The following LVRN variants were observed in gnomAD, a reference collection of about 807,000 sequenced individuals.
LVRN encodes the protein aminopeptidase Q.
In LVRN, 99 loss-of-function variants were observed where a neutral mutation model predicts 111.4. The ratio of observed to expected loss-of-function variants is 0.89; its 90% confidence interval spans 0.76 to 1.05. The LOEUF (loss-of-function observed/expected upper bound fraction) is 1.05, where lower values mean the gene tolerates loss of function less well. LVRN is among the 50% of genes least tolerant of loss of function. The probability of loss-of-function intolerance (pLI) is 0.00; values close to 1 mark genes in which losing one functional copy is unlikely to be tolerated. For missense variants in LVRN, 1,414 were observed against 1,206.8 expected (o/e 1.17, Z -2.54); for synonymous variants, 488 against 449.5 (o/e 1.09, Z -1.08).
chr5:115,979,695 C>G (rs1164435881), intron 1 of LVRN, among the ~76,000 whole-genome samples: 2 of 152,128 alleles, frequency 1.3e-5, no homozygotes, highest in Non-Finnish European at 2.9e-5. Flanking sequence ...GATTCATAAG[C>G]CAACCCTTGA....
Position 115,962,777 on chromosome 5 carries a change from T to C in LVRN, c.160T>C (p.Leu54=). Reference sequence around the variant, plus strand: ...GTCGGAGCTGCCTGGACTCAGGGACTTGGAAGCCGAGTCTTCCCCTCCCCT... The same window carrying C: ...GTCGGAGCTGCCTGGACTCAGGGACCTGGAAGCCGAGTCTTCCCCTCCCCT... ...PPSELPGLRD[L]EAESSPPLRQ... is the part of the protein sequence containing the mutation. Residue 54 remains leucine (L), a synonymous_variant, in exon 1 of 20, where the codon TTG becomes CTG. Coordinates refer to ENST00000357872, the MANE Select transcript of LVRN (RefSeq NM_173800.5). 1 of 1,611,344 alleles carries C rather than the reference T, an allele frequency of 6.2e-7. No individual in the cohort carries two copies. Among genetic ancestry groups the C allele is most frequent in the Non-Finnish European group, 8.5e-7 (1 of 1,178,900 alleles).
intron 1 of LVRN, among the ~76,000 whole-genome samples, chr5:115,980,129 A>T (rs948106556): frequency 2.6e-5 from 4 of 152,144 alleles, no homozygotes; most frequent in African/African-American, 9.7e-5. Context: ...CCAGCTGACC[A>T]TTCTAAACAC....
Position 115,993,746 on chromosome 5 carries a change from T to C in LVRN, c.1266T>C (p.Phe422=), listed in dbSNP as rs1399206873. 6.3e-7 allele frequency: 1 copy of C among 1,599,658 alleles called. No homozygotes were observed. The highest frequency in any genetic ancestry group is 8.5e-7 in the Non-Finnish European group (1 of 1,175,252). The change falls in exon 6 of 20, where the codon TTT becomes TTC. Residue 422 remains phenylalanine, a synonymous_variant. Coordinates refer to ENST00000357872, the MANE Select transcript of LVRN (RefSeq NM_173800.5). ...VVSHEIGHQW[F]GNLVTMNWWN... is the part of the protein sequence containing the mutation. ...TTTCTTCTCATTTCCAAAAGTGGTT[T>C]GGAAACTTGGTTACCATGAATTGGT...
At chr5:115,992,932 T>A (rs542956373) in intron 5 of LVRN, among the ~76,000 whole-genome samples, 2 of 152,224 alleles carry the variant, frequency 1.3e-5, no homozygotes. Flanking sequence ...ATCTTCGTAA[T>A]GTGGCTCCAT....
rs143768820 is a variant in LVRN, at chr5:115,964,379, T to C, written c.695+1067T>C. Among the ~76,000 whole-genome samples the C allele has an allele frequency of 6.6e-4, 100 of 152,326 alleles. No individual in the cohort carries two copies. In the East Asian group the frequency reaches 0.013, roughly 20 times the overall value. ...AAGGTTTCTAAATAAGTTTAAAGAGTTGCTCTAGTGGATGTATAATCTGTA... is the reference window on the plus strand; with the variant it reads ...AAGGTTTCTAAATAAGTTTAAAGAGCTGCTCTAGTGGATGTATAATCTGTA... On this transcript the variant is annotated intron_variant, in intron 1 of 19. Coordinates refer to ENST00000357872, the MANE Select transcript of LVRN (RefSeq NM_173800.5).
chr5:116,002,809 T>C (rs371068037), intron 10 of LVRN, 26 bp from the exon 11 acceptor site: 2 of 1,529,136 alleles, frequency 1.3e-6, no homozygotes, highest in Non-Finnish European at 1.8e-6. Context: ...GAAAAGTAAC[T>C]AATTTTTTTA....
In LVRN at chr5:115,963,157, G is replaced by GT. The variant is rs768239579; in HGVS notation, c.542dup (p.Ala182ArgfsTer13). 1.9e-6 allele frequency: 3 copies of GT among 1,613,222 alleles called. No individual in the cohort carries two copies. The highest frequency in any genetic ancestry group is 2.5e-6 in the Non-Finnish European group (3 of 1,179,858). ...GCCGCGTGCCCGTGGACGACGTGTG[G>GT]TTCGCGCTGGACACGGAATACATGG... On this transcript the variant is annotated frameshift_variant, in exon 1 of 20. Coordinates refer to ENST00000357872, the MANE Select transcript of LVRN (RefSeq NM_173800.5). LOFTEE classifies it high-confidence loss of function.
At position 116,017,600 on chromosome 5, in the gene LVRN, G is replaced by T. The variant is rs372907089; in HGVS notation, c.2756+1835G>T. Among the ~76,000 whole-genome samples, 7 of 152,246 alleles carry T rather than the reference G, an allele frequency of 4.6e-5. No homozygotes were observed. The East Asian group carries it at 5.8e-4, about 13-fold the overall frequency. On this transcript the variant is annotated intron_variant, in intron 18 of 19. Coordinates refer to ENST00000357872, the MANE Select transcript of LVRN (RefSeq NM_173800.5). The stretch of plus-strand genomic sequence containing the variant: ...ATATATGGTATGTCAAAGAGTTAAG[G>T]CAATAGAATCTAGAATCAGATCAAT...
At chr5:115,988,342 T>C (rs1456747554) in intron 4 of LVRN, among the ~76,000 whole-genome samples, 1 of 151,672 alleles carries the variant, frequency 6.6e-6, no homozygotes, top group Non-Finnish European at 1.5e-5. Flanking sequence ...GTTTTTTTTT[T>C]TTTTAAATAT....
At position 115,963,094 on chromosome 5, in the gene LVRN, G is replaced by A. The variant is rs1230295824; in HGVS notation, c.477G>A (p.Arg159=). ...AGGACTGCGAGCGCGCCGAGGTGCG[G>A]GGACCCCTTTCCCCGGGCACTGGGA... ...LFQDCERAEV[R]GPLSPGTGNA... Residue 159 remains arginine, a synonymous_variant, in exon 1 of 20, where the codon CGG becomes CGA. Coordinates refer to ENST00000357872, the MANE Select transcript of LVRN (RefSeq NM_173800.5). 3.7e-6 allele frequency: 6 copies of A among 1,613,652 alleles called. No individual in the cohort carries two copies. Among genetic ancestry groups the A allele is most frequent in the East Asian group, 2.2e-5 (1 of 44,870 alleles).
At position 116,015,722 on chromosome 5, in the gene LVRN, G is replaced by T. The variant is rs138090918; in HGVS notation, c.2713G>T (p.Ala905Ser). ...TTCATCTGAAGTTGGCCGGTATGTCGCAAAAGACTTCTTAGTCAACAACTG... is the reference window on the plus strand; with the variant it reads ...TTCATCTGAAGTTGGCCGGTATGTCTCAAAAGACTTCTTAGTCAACAACTG... ...VASSEVGRYV[A>S]KDFLVNNWQA... Residue 905 changes from alanine to serine, a missense_variant, in exon 18 of 20, where the codon GCA becomes TCA. By Grantham distance (99) the Ala-to-Ser change is moderately conservative. Transcript: ENST00000357872. The T allele has an allele frequency of 6.2e-7, 1 of 1,613,234 alleles. No homozygotes were observed.
At chr5:116,011,041 T>TGATATTTTTCATAGTAGTTATG (rs1748480101) in intron 14 of LVRN, 147 bp downstream of exon 14, 45,271 of 241,372 alleles carry the variant, frequency 0.19, 6,751 homozygotes, top group Admixed American at 0.26. Context: ...GTATATACAT[T>TGATATTTTTCATAGTAGTTATG]TCCTTAACAA....
chr5:116,001,602 T>C (rs776748342), intron 10 of LVRN, among the ~76,000 whole-genome samples: 8 of 152,184 alleles, frequency 5.3e-5, no homozygotes, highest in Non-Finnish European at 8.8e-5. Context: ...AAAGGAAGTC[T>C]TACTGCAGAG....
At chr5:116,005,732 A>T (rs1348232195) in intron 12 of LVRN, 180 bp from the exon 13 acceptor site, 2 of 673,404 alleles carry the variant, frequency 3.0e-6, no homozygotes, top group Non-Finnish European at 5.5e-6. Context: ...TTTCAAAAAC[A>T]TATGTATGAT....
At chr5:115,989,325 A>G (rs974831661) in intron 4 of LVRN, among the ~76,000 whole-genome samples, 4 of 152,010 alleles carry the variant, frequency 2.6e-5, no homozygotes, top group African/African-American at 9.7e-5. Flanking sequence ...GCTCACTCCT[A>G]TGCATTCACC....
chr5:116,001,835 AG>A (rs1748245317), intron 10 of LVRN, among the ~76,000 whole-genome samples: 1 of 152,226 alleles, frequency 6.6e-6, no homozygotes, highest in Non-Finnish European at 1.5e-5. Context: ...TGTGAGTTTC[AG>A]TTGCCTTATC....
chr5:116,000,824 G>C (rs1187718390), intron 9 of LVRN, among the ~76,000 whole-genome samples, 166 bp downstream of exon 9: 1 of 152,086 alleles, frequency 6.6e-6, no homozygotes, highest in Non-Finnish European at 1.5e-5. Context: ...TATATTCCCA[G>C]TGCCCAGAAC....
chr5:116,011,436 A>G (rs887512697), intron 14 of LVRN, among the ~76,000 whole-genome samples: 4 of 152,178 alleles, frequency 2.6e-5, no homozygotes, highest in Non-Finnish European at 5.9e-5. Context: ...GCCATAATAA[A>G]TGAAAAAAAA....
At chr5:116,001,033 C>T (rs752385594) in intron 9 of LVRN, 34 bp from the exon 10 acceptor site, 64 of 1,564,634 alleles carry the variant, frequency 4.1e-5, no homozygotes, top group Non-Finnish European at 5.2e-5. Flanking sequence ...TCACGGATAA[C>T]CTTACCTGCC....
Sources: gnomAD v4.1 joint callset for allele counts (sites outside exome capture counted in the v4.1 genomes callset) on GRCh38, gnomAD v4.1.1 for gene constraint, MANE v1.5 for transcripts, NCBI Gene and HGNC (gene_info 2026-07-23, HGNC 2026-07-21) for gene names.